The following TPCN1 variants were observed in gnomAD, a reference collection of about 807,000 sequenced individuals.
TPCN1 encodes two pore channel protein 1.
In TPCN1, 52 loss-of-function variants were observed where a neutral mutation model predicts 108.8. The ratio of observed to expected loss-of-function variants is 0.48; its 90% CI spans 0.38 to 0.60. The LOEUF (loss-of-function observed/expected upper bound fraction) is 0.60. TPCN1 is among the 20% of genes least tolerant of loss of function. The probability of loss-of-function intolerance (pLI) is 0.00; values close to 1 mark genes in which losing one functional copy is unlikely to be tolerated. For synonymous variants in TPCN1, 446 were observed against 433.7 expected (o/e 1.03, Z -0.35); for missense variants, 806 against 1,072.8 (o/e 0.75, Z 3.47).
At position 113,284,872 on chromosome 12, in the gene TPCN1, GCTATAAAGAGACGGAGTAATCAGT is replaced by G; in HGVS notation, c.1453+104_1453+127del. The G allele has an allele frequency of 2.3e-6, 3 of 1,315,686 alleles. No individual in the cohort carries two copies. Among genetic ancestry groups the G allele is most frequent in the Non-Finnish European group, 3.3e-6 (3 of 914,598 alleles). 81.5% of individuals were successfully genotyped at this position (1,315,686 alleles called of 1,614,324 possible). A position where few individuals can be genotyped will look rare whatever the true frequency, so the allele number is the denominator to read the frequency against. On this transcript the variant is annotated intron_variant, in intron 17 of 27. Coordinates refer to ENST00000335509, the MANE Select transcript of TPCN1 (RefSeq NM_017901.6). The surrounding 1 kb of genome is among the most constrained non-coding windows in gnomAD (Gnocchi z 4.1). Reference sequence around the variant, plus strand: ...TCATGGTTCTTCTCTAAAACAGGAAGCTATAAAGAGACGGAGTAATCAGTCTGATTCCATCTCGTCCCCGTTTAA... The same window carrying G: ...TCATGGTTCTTCTCTAAAACAGGAAGCTGATTCCATCTCGTCCCCGTTTAA...
intron 10 of TPCN1, among the ~76,000 whole-genome samples, chr12:113,275,729 C>T (rs375594533): frequency 4.0e-4 from 61 of 152,036 alleles, no homozygotes; most frequent in African/African-American, 1.3e-3. Context: ...CCCGCCACCA[C>T]GCCCGGCTAA....
Position 113,273,731 on chromosome 12 carries a change from C to A in TPCN1, c.942+63C>A. The A allele has an allele frequency of 7.6e-7, 1 of 1,309,128 alleles. No homozygotes were observed. 81.1% of individuals were successfully genotyped at this position (1,309,128 alleles called of 1,614,324 possible). A position where few individuals can be genotyped will look rare whatever the true frequency, so the allele number is the denominator to read the frequency against. On this transcript the variant is annotated intron_variant, in intron 10 of 27. Transcript: ENST00000335509. This position sits in a 1 kb window ranked among gnomAD's most constrained non-coding sequence, Gnocchi z 4.0. The stretch of plus-strand genomic sequence containing the variant: ...GCCCCTACCCATGCAGCACTAGGCA[C>A]TGTGGGAGTGGAGAAGTGGGGACTG...
intron 2 of TPCN1, among the ~76,000 whole-genome samples, chr12:113,255,011 C>A (rs562942711): frequency 6.6e-6 from 1 of 152,208 alleles, no homozygotes; most frequent in Admixed American, 6.5e-5. Flanking sequence ...CCCTTCTCAT[C>A]ATTTTTATTC....
chr12:113,258,859 A>G (rs1424369048), intron 2 of TPCN1, among the ~76,000 whole-genome samples: 1 of 152,136 alleles, frequency 6.6e-6, no homozygotes, highest in African/African-American at 2.4e-5. Context: ...TCAAGATCAG[A>G]AGGACCTTTT....
chr12:113,272,743 C>T lies in TPCN1; in HGVS notation c.783+51C>T. The T allele has an allele frequency of 6.3e-7, 1 of 1,578,802 alleles. No individual in the cohort carries two copies. The highest frequency in any genetic ancestry group is 8.7e-7 in the Non-Finnish European group (1 of 1,147,974). On this transcript the variant is annotated intron_variant, in intron 8 of 27. Coordinates refer to ENST00000335509, the MANE Select transcript of TPCN1 (RefSeq NM_017901.6). The surrounding 1 kb of genome is among the most constrained non-coding windows in gnomAD (Gnocchi z 4.1). Reference sequence around the variant, plus strand: ...CTCTTCTTTTATGGAGGGCTTTTCCCTCAGACAGGGTCACCGGCGTGACCC... The same window carrying T: ...CTCTTCTTTTATGGAGGGCTTTTCCTTCAGACAGGGTCACCGGCGTGACCC...
intron 22 of TPCN1, among the ~76,000 whole-genome samples, chr12:113,290,475 G>A (rs1956231187): frequency 6.6e-6 from 1 of 152,180 alleles, no homozygotes; most frequent in Non-Finnish European, 1.5e-5. Flanking sequence ...TCTCAGTACC[G>A]GGGAGGACAA....
intron 1 of TPCN1, among the ~76,000 whole-genome samples, chr12:113,222,735 C>G (rs2136417548): frequency 6.6e-6 from 1 of 152,226 alleles, no homozygotes; most frequent in East Asian, 1.9e-4. Flanking sequence ...TTTAGCTCAT[C>G]ATTAATGGTA....
intron 27 of TPCN1, 139 bp from the exon 28 acceptor site, chr12:113,295,820 CG>C: frequency 1.1e-6 from 1 of 895,280 alleles, no homozygotes; most frequent in Non-Finnish European, 1.7e-6. Flanking sequence ...GGGCCTGTGA[CG>C]GGGGTTTCAG....
chr12:113,284,466 C>A lies in TPCN1; in HGVS notation c.1343-115C>A. 2 of 1,177,214 alleles carry A rather than the reference C, an allele frequency of 1.7e-6. No individual in the cohort carries two copies. The highest frequency in any genetic ancestry group is 2.5e-6 in the Non-Finnish European group (2 of 793,464). The allele number at this position is 1,177,214 out of a possible 1,614,324, so 72.9% of individuals were successfully genotyped here. On this transcript the variant is annotated intron_variant, in intron 15 of 27. Transcript: ENST00000335509. The surrounding 1 kb of genome is among the most constrained non-coding windows in gnomAD (Gnocchi z 4.1). ...TATCAAATGGGTGTGTGGAGCAGCC[C>A]TGTTCTCCCCATCCCGTAGAGCTCC...
chr12:113,254,163 G>A (rs1007080643), intron 2 of TPCN1, among the ~76,000 whole-genome samples: 1 of 152,238 alleles, frequency 6.6e-6, no homozygotes, highest in African/African-American at 2.4e-5. Context: ...GGCCCTATAT[G>A]TACTGAAGAA....
chr12:113,235,517 A>G (rs1362409937), intron 2 of TPCN1, among the ~76,000 whole-genome samples: 4 of 152,160 alleles, frequency 2.6e-5, no homozygotes, highest in Admixed American at 1.3e-4. Context: ...TAAAAAAAAA[A>G]AAAAGAAAAA....
rs749656775 is a variant in TPCN1 at position 113,291,686 on chromosome 12, C to G, written c.2028+9C>G. ...TTTACATTGTGACCATGGTAGGTCC[C>G]GGACCACAGAACGCTCTTTGTCCTT... On this transcript the variant is annotated intron_variant, in intron 24 of 27. Coordinates refer to ENST00000335509, the MANE Select transcript of TPCN1 (RefSeq NM_017901.6). 6.2e-7 allele frequency: 1 copy of G among 1,613,210 alleles called. No individual in the cohort carries two copies. The highest frequency in any genetic ancestry group is 8.5e-7 in the Non-Finnish European group (1 of 1,179,554).
intron 1 of TPCN1, among the ~76,000 whole-genome samples, chr12:113,223,839 C>T (rs764474039): frequency 3.3e-5 from 5 of 152,176 alleles, no homozygotes; most frequent in South Asian, 2.1e-4. Context: ...CCACCACTCC[C>T]GGCTGCTCTG....
intron 3 of TPCN1, among the ~76,000 whole-genome samples, chr12:113,264,887 A>T (rs1166042473): frequency 1.3e-5 from 2 of 152,090 alleles, no homozygotes; most frequent in Non-Finnish European, 2.9e-5. Context: ...GTATAGTGGT[A>T]CAACTTTGGC....
intron 11 of TPCN1, 77 bp downstream of exon 11, chr12:113,277,112 G>A (rs1267233289): frequency 6.3e-7 from 1 of 1,597,722 alleles, no homozygotes; most frequent in East Asian, 2.2e-5. Flanking sequence ...AGCATGGCCA[G>A]GCCAGCCACT....
At position 113,296,558 on chromosome 12, in the gene TPCN1, C is replaced by T. The variant is rs1566213650; in HGVS notation, c.*482C>T. 1.3e-5 allele frequency: 2 copies of T among 156,554 alleles called. No homozygotes were observed. Among genetic ancestry groups the T allele is most frequent in the African/African-American group, 4.8e-5 (2 of 41,610 alleles). The allele number at this position is 156,554 out of a possible 1,614,324, so 9.7% of individuals were successfully genotyped here. The stretch of plus-strand genomic sequence containing the variant: ...ACTTAGGAAGGAAAGAACTCCCGGT[C>T]TCCAGGGTGGTATTTCAGTGTCTGT... On this transcript the variant is annotated 3_prime_UTR_variant, in exon 28 of 28. Transcript: ENST00000335509.
chr12:113,251,492 C>T (rs186869506), intron 2 of TPCN1, among the ~76,000 whole-genome samples: 1 of 152,242 alleles, frequency 6.6e-6, no homozygotes, highest in African/African-American at 2.4e-5. Context: ...CCACCATTGG[C>T]AACACTGCTA....
intron 10 of TPCN1, among the ~76,000 whole-genome samples, chr12:113,276,520 G>T (rs991955894): frequency 6.6e-6 from 1 of 151,968 alleles, no homozygotes; most frequent in Non-Finnish European, 1.5e-5. Flanking sequence ...GGCAGCCTCC[G>T]CCTGCCACTG....
intron 7 of TPCN1, among the ~76,000 whole-genome samples, chr12:113,270,783 G>A (rs1448246268): frequency 1.3e-5 from 2 of 151,932 alleles, no homozygotes; most frequent in South Asian, 2.1e-4. Flanking sequence ...CCGGCCTCTG[G>A]GACCTCTTTT....
Sources: gnomAD v4.1 joint callset for allele counts (sites outside exome capture counted in the v4.1 genomes callset) on GRCh38, gnomAD v4.1.1 for gene constraint, Gnocchi (gnomAD v3.1) non-coding constraint, MANE v1.5 for transcripts, NCBI Gene and HGNC (gene_info 2026-07-23, HGNC 2026-07-21) for gene names.